Variants in BCOR observed in about 807,000 individuals in gnomAD.
BCOR encodes BCL-6 corepressor.
A neutral mutation model predicts 86.7 loss-of-function variants in BCOR; 10 were observed. The ratio of observed to expected loss-of-function variants is 0.12; its 90% CI spans 0.07 to 0.20. The LOEUF (loss-of-function observed/expected upper bound fraction) is 0.20, where lower values mean the gene tolerates loss of function less well. Among genes scored for constraint, BCOR ranks in the 10% least tolerant of loss-of-function variants. BCOR has a pLI of 1.00. For missense variants in BCOR, 1,259 were observed against 1,452.1 expected, an observed-to-expected ratio of 0.87 and a Z score of 2.16; for synonymous variants, 611 against 609.0, an observed-to-expected ratio of 1.00 and a Z score of -0.05.
At chrX:40,077,008 T>C in intron 2 of BCOR, 2 of 277,035 alleles carry the variant, frequency 7.2e-6, no homozygotes, top group Non-Finnish European at 1.4e-5. Flanking sequence ...CAAAACTTTT[T>C]CCAAAACAAA....
chrX:40,073,629 C>A lies in BCOR; in HGVS notation c.1717G>T (p.Ala573Ser). 8.3e-7 allele frequency: 1 copy of A among 1,212,091 alleles called. No homozygotes were observed. The highest frequency in any genetic ancestry group is 1.1e-6 in the Non-Finnish European group (1 of 895,627). Residue 573 changes from alanine (A) to serine (S), a missense_variant, in exon 4 of 15, where the codon GCC (alanine) becomes TCC (serine). Around this residue, in one of 7 missense-constraint regions of BCOR, gnomAD observed 534 missense variants for 594.8 expected, o/e 0.90. Coordinates refer to ENST00000378444, the MANE Select transcript of BCOR (RefSeq NM_001123385.2). ...GTGCCATCTGCATTGGCATTGGGGGCGGGTGATGCGGAGGCTGGGCGGCCT... is the reference window on the plus strand; with the variant it reads ...GTGCCATCTGCATTGGCATTGGGGGAGGGTGATGCGGAGGCTGGGCGGCCT... ...SAGRPASASP[A>S]PNANADGTKT...
chrX:40,066,042 C>G (rs1276480948), intron 6 of BCOR, among the ~76,000 whole-genome samples: 1 of 110,915 alleles, frequency 9.0e-6, no homozygotes, highest in Non-Finnish European at 1.9e-5. Context: ...TAAGGGGGAA[C>G]AGATGGGGCT....
chrX:40,128,212 G>A, intron 1 of BCOR, among the ~76,000 whole-genome samples: 1 of 110,661 alleles, frequency 9.0e-6, no homozygotes, highest in South Asian at 3.8e-4. Context: ...GCAACAGAGT[G>A]AGACTCCTTC....
intron 1 of BCOR, among the ~76,000 whole-genome samples, chrX:40,126,826 G>C (rs1236109772): frequency 2.8e-5 from 3 of 105,791 alleles, no homozygotes; most frequent in African/African-American, 1.0e-4. Flanking sequence ...CTGCACTCCA[G>C]CCTGTCTCAA....
At chrX:40,174,869 G>C (rs1016115223) in intron 1 of BCOR, among the ~76,000 whole-genome samples, 1 of 112,987 alleles carries the variant, frequency 8.9e-6, no homozygotes, top group Non-Finnish European at 1.9e-5. Context: ...TTGATTCAAC[G>C]TGTATTAGAT....
At chrX:40,158,433 G>T (rs1321817977) in intron 1 of BCOR, among the ~76,000 whole-genome samples, 1 of 112,407 alleles carries the variant, frequency 8.9e-6, no homozygotes, top group African/African-American at 3.2e-5. Context: ...GGCTGCCGGG[G>T]GGCGCTCCCT....
chrX:40,176,618 G>A (rs757090929), intron 1 of BCOR, among the ~76,000 whole-genome samples: 5 of 107,308 alleles, frequency 4.7e-5, no homozygotes, highest in Non-Finnish European at 9.7e-5. Context: ...CGTCCGGCCC[G>A]TGCCGCACCA....
chrX:40,063,504 T>C (rs775641245), intron 8 of BCOR, 104 bp downstream of exon 8: 5 of 646,950 alleles, frequency 7.7e-6, no homozygotes, highest in African/African-American at 2.2e-5. Context: ...TTGAAGTCAA[T>C]TGCTATGGCC....
chrX:40,168,960 C>A (rs1327382503), intron 1 of BCOR, among the ~76,000 whole-genome samples: 2 of 112,496 alleles, frequency 1.8e-5, no homozygotes, highest in Non-Finnish European at 3.8e-5. Context: ...AAGCTGCGCG[C>A]AGGCTGCAGC....
chrX:40,169,608 A>T (rs1476011679), intron 1 of BCOR, among the ~76,000 whole-genome samples: 12 of 109,680 alleles, frequency 1.1e-4, no homozygotes, highest in Admixed American at 8.7e-4. Flanking sequence ...CTTCTGGTTT[A>T]AAAAAAAACA....
intron 1 of BCOR, among the ~76,000 whole-genome samples, chrX:40,158,164 G>C (rs927736490): frequency 8.9e-6 from 1 of 112,356 alleles, no homozygotes; most frequent in African/African-American, 3.2e-5. Flanking sequence ...GGCCCGTCCA[G>C]GTAGGGCTCC....
chrX:40,102,217 T>TG (rs1322659057), upstream of BCOR, among the ~76,000 whole-genome samples: 5 of 112,874 alleles, frequency 4.4e-5, no homozygotes, highest in Admixed American at 4.6e-4. Flanking sequence ...ATTGGGTGTT[T>TG]GGGGAAGGAA....
At position 40,170,392 on chromosome X, in the gene BCOR, C is replaced by T. The variant is rs192987918; in HGVS notation, c.-41+6615G>A. On this transcript the variant is annotated intron_variant, in intron 1 of 14. Coordinates refer to the BCOR transcript ENST00000342274. ...TTGAGACGGAGTTTCGCTCTTTTGCCCAGGCTGGAGTGAAGTGGCACGATC... is the reference window on the plus strand; with the variant it reads ...TTGAGACGGAGTTTCGCTCTTTTGCTCAGGCTGGAGTGAAGTGGCACGATC... 9.5e-3 allele frequency among the ~76,000 whole-genome samples: 1,041 copies of T among 109,060 alleles called. 12 individuals are homozygous for T. The highest frequency in any genetic ancestry group is 0.033 in the African/African-American group (978 of 29,823). The allele number at this position is 109,060 out of a possible 115,157, so 94.7% of individuals were successfully genotyped here.
chrX:40,140,982 G>A (rs1937911447), intron 1 of BCOR, among the ~76,000 whole-genome samples: 1 of 112,843 alleles, frequency 8.9e-6, no homozygotes, highest in Non-Finnish European at 1.9e-5. Flanking sequence ...GGGGATCCCC[G>A]TCTTGACCCA....
At chrX:40,108,083 C>A (rs1247840339) in intron 1 of BCOR, among the ~76,000 whole-genome samples, 1 of 112,959 alleles carries the variant, frequency 8.9e-6, no homozygotes, top group Non-Finnish European at 1.9e-5. Context: ...GGGCCCCAAG[C>A]GCGCCGGATC....
chrX:40,142,478 T>C (rs954803570), intron 1 of BCOR, among the ~76,000 whole-genome samples: 2 of 112,059 alleles, frequency 1.8e-5, no homozygotes, highest in Non-Finnish European at 3.8e-5. Context: ...CTGAAGGTTC[T>C]CCCCTGCTCC....
chrX:40,074,794 A>G lies in BCOR; in HGVS notation c.552T>C (p.Ala184=). The G allele has an allele frequency of 2.5e-6, 3 of 1,211,907 alleles. No individual in the cohort carries two copies. The highest frequency in any genetic ancestry group is 3.3e-6 in the Non-Finnish European group (3 of 895,556). Residue 184 remains alanine (A), a synonymous_variant, in exon 4 of 15, where the codon GCT becomes GCC. Coordinates refer to ENST00000378444, the MANE Select transcript of BCOR (RefSeq NM_001123385.2). ...TGACCCAGGGCAGCCGCAGATAACT[A>G]GCACCATTGATGTTGAGAGGGCTCT... ...DKQSPLNING[A]SYLRLPWVNP...
At chrX:40,097,971 C>A (rs1252499510), upstream of BCOR, among the ~76,000 whole-genome samples, 1 of 110,180 alleles carries the variant, frequency 9.1e-6, no homozygotes, top group Non-Finnish European at 1.9e-5. Context: ...CGCCGCACGC[C>A]GCGATCCCAA....
upstream of BCOR, among the ~76,000 whole-genome samples, chrX:40,101,018 G>A (rs1365819058): frequency 9.1e-6 from 1 of 109,806 alleles, no homozygotes; most frequent in Non-Finnish European, 1.9e-5. Context: ...CATGAGTGGT[G>A]GGGGGGATTC....
Sources: allele counts gnomAD v4.1 joint callset (sites outside exome capture counted in the v4.1 genomes callset), GRCh38; gene constraint gnomAD v4.1.1; regional missense constraint gnomAD v4.1.1; transcripts MANE v1.5; gene names NCBI Gene and HGNC (gene_info 2026-07-23, HGNC 2026-07-21).